The following TLK1 variants were observed in gnomAD, a reference collection of about 807,000 sequenced individuals.
TLK1 encodes tousled like kinase 1.
In TLK1, 24 loss-of-function variants were observed where a neutral mutation model predicts 105.3. The observed-to-expected ratio is 0.23, with a 90% confidence interval of 0.17 to 0.32. The LOEUF (loss-of-function observed/expected upper bound fraction) is 0.32. TLK1 is among the 10% of genes least tolerant of loss of function. The pLI is 1.00. For missense variants in TLK1, 558 were observed against 910.5 expected (o/e 0.61, Z 4.98); for synonymous variants, 321 against 310.4 (o/e 1.03, Z -0.36).
chr2:171,187,623 T>C (rs761924136), intron 1 of TLK1, among the ~76,000 whole-genome samples: 3 of 152,198 alleles, frequency 2.0e-5, no homozygotes, highest in Non-Finnish European at 4.4e-5. Flanking sequence ...GTTTTTGAGC[T>C]ACTGGCTTTT....
chr2:171,191,959 A>G (rs908711931), intron 1 of TLK1, among the ~76,000 whole-genome samples: 8 of 152,034 alleles, frequency 5.3e-5, no homozygotes, highest in South Asian at 2.1e-4. Flanking sequence ...GCATTTCCCA[A>G]TCTAATTTGA....
At chr2:171,020,627 G>A (rs143321078) in intron 12 of TLK1, among the ~76,000 whole-genome samples, 41 of 151,668 alleles carry the variant, frequency 2.7e-4, no homozygotes, top group African/African-American at 8.2e-4. Flanking sequence ...AATTTATTTC[G>A]AATTTATCCT....
chr2:171,120,509 T>C (rs2105535633), intron 1 of TLK1, among the ~76,000 whole-genome samples: 1 of 152,168 alleles, frequency 6.6e-6, no homozygotes, highest in Non-Finnish European at 1.5e-5. Context: ...CCAAAGAAGA[T>C]ATGCAAATGA....
At chr2:171,000,202 C>G (rs1358224359) in intron 18 of TLK1, among the ~76,000 whole-genome samples, 1 of 151,748 alleles carries the variant, frequency 6.6e-6, no homozygotes, top group Non-Finnish European at 1.5e-5. Context: ...ATGGTGAAAC[C>G]CTGTCTCTAC....
intron 1 of TLK1, among the ~76,000 whole-genome samples, chr2:171,226,086 A>G (rs1343422361): frequency 1.3e-5 from 2 of 152,156 alleles, no homozygotes; most frequent in Non-Finnish European, 2.9e-5. Flanking sequence ...AGTCCCATGA[A>G]CTAGAGCCCC....
At chr2:171,019,461 A>C (rs1006808292) in intron 12 of TLK1, among the ~76,000 whole-genome samples, 2 of 152,222 alleles carry the variant, frequency 1.3e-5, no homozygotes, top group Admixed American at 1.3e-4. Flanking sequence ...AGGCATTAAA[A>C]CTATAAGGCT....
intron 11 of TLK1, among the ~76,000 whole-genome samples, chr2:171,036,101 G>C (rs1038835077): frequency 6.6e-6 from 1 of 152,158 alleles, no homozygotes; most frequent in African/African-American, 2.4e-5. Flanking sequence ...TAAAAACATG[G>C]AAGTGGCTTT....
intron 1 of TLK1, among the ~76,000 whole-genome samples, chr2:171,168,564 C>G (rs1330782823): frequency 6.6e-6 from 1 of 151,526 alleles, no homozygotes; most frequent in Non-Finnish European, 1.5e-5. Flanking sequence ...ATGGATTTGT[C>G]ATAATTCAAT....
intron 18 of TLK1, among the ~76,000 whole-genome samples, chr2:171,000,528 T>C (rs1684313068): frequency 1.3e-5 from 2 of 152,122 alleles, no homozygotes; most frequent in African/African-American, 4.8e-5. Flanking sequence ...AAAAAACTGC[T>C]ATTAAGAAAA....
At chr2:171,066,735 T>C (rs1207202210) in intron 3 of TLK1, 5 of 1,171,666 alleles carry the variant, frequency 4.3e-6, no homozygotes, top group Admixed American at 2.7e-5. Context: ...CGTAGTCTAT[T>C]TCCTGGCACT....
chr2:171,218,513 T>G (rs895011324), intron 1 of TLK1, among the ~76,000 whole-genome samples: 1 of 152,088 alleles, frequency 6.6e-6, no homozygotes, highest in Non-Finnish European at 1.5e-5. Context: ...TTAGTTCATT[T>G]ATGCTGCTAT....
intron 1 of TLK1, among the ~76,000 whole-genome samples, chr2:171,205,426 G>A (rs1011619347): frequency 2.6e-5 from 4 of 151,746 alleles, no homozygotes; most frequent in African/African-American, 7.3e-5. Flanking sequence ...AGGCTCAAGC[G>A]ATCCTCTCAC....
intron 1 of TLK1, among the ~76,000 whole-genome samples, chr2:171,140,158 A>C (rs946465707): frequency 2.6e-5 from 4 of 152,186 alleles, no homozygotes; most frequent in African/African-American, 9.7e-5. Flanking sequence ...GTGAGAGAAG[A>C]AGAGCGTGGT....
chr2:171,057,154 C>T (rs1449016887), intron 5 of TLK1, among the ~76,000 whole-genome samples: 1 of 152,028 alleles, frequency 6.6e-6, no homozygotes, highest in Non-Finnish European at 1.5e-5. Flanking sequence ...CTGATCTATT[C>T]CATAGCTATC....
At position 171,056,172 on chromosome 2, in the gene TLK1, G is replaced by A. The variant is rs1331333410; in HGVS notation, c.549+299C>T. 2.6e-5 allele frequency among the ~76,000 whole-genome samples: 4 copies of A among 152,118 alleles called. No individual in the cohort carries two copies. The East Asian group carries it at 7.7e-4, about 29-fold the overall frequency. On this transcript the variant is annotated intron_variant, in intron 6 of 20. Coordinates refer to ENST00000431350, the MANE Select transcript of TLK1 (RefSeq NM_012290.5). ...AGGAATCAACAACTGAATACAGACT[G>A]ATACAAGAGTACTCATGTTAGTCCC...
chr2:171,095,557 A>T (rs1414716555), intron 2 of TLK1, among the ~76,000 whole-genome samples: 1 of 152,194 alleles, frequency 6.6e-6, no homozygotes, highest in Non-Finnish European at 1.5e-5. Context: ...ACCAAAAATG[A>T]TTCTAGAAGA....
At chr2:171,117,927 A>C in intron 1 of TLK1, 70 bp from the exon 2 acceptor site, 1 of 1,043,506 alleles carries the variant, frequency 9.6e-7, no homozygotes, top group Non-Finnish European at 1.3e-6. Flanking sequence ...ACACACAAAT[A>C]TATATATGTG....
At chr2:171,124,384 A>T (rs1690784699) in intron 1 of TLK1, among the ~76,000 whole-genome samples, 1 of 152,262 alleles carries the variant, frequency 6.6e-6, no homozygotes, top group African/African-American at 2.4e-5. Flanking sequence ...AAAGCTAATT[A>T]GTATTTAATA....
rs1014271815 is a variant in TLK1 at position 171,079,712 on chromosome 2, A to C, written c.330+3069T>G. On this transcript the variant is annotated intron_variant, in intron 3 of 20. Transcript: ENST00000431350. Reference sequence around the variant, plus strand: ...TTCATATATAAAATAAACCGCATACAAACTGAAATAAAAATTTCACTTGAA... The same window carrying C: ...TTCATATATAAAATAAACCGCATACCAACTGAAATAAAAATTTCACTTGAA... 6.0e-4 allele frequency among the ~76,000 whole-genome samples: 91 copies of C among 152,362 alleles called. No homozygotes were observed. The Middle Eastern group carries it at 0.01, about 17-fold the overall frequency.
Sources: gnomAD v4.1 joint callset for allele counts (sites outside exome capture counted in the v4.1 genomes callset) on GRCh38, gnomAD v4.1.1 for gene constraint, MANE v1.5 for transcripts, NCBI Gene and HGNC (gene_info 2026-07-23, HGNC 2026-07-21) for gene names.